CSNK1A1: variants seen among roughly 807,000 people sequenced by gnomAD.
The protein encoded by CSNK1A1 is casein kinase I isoform alpha.
CSNK1A1 carries 7 observed loss-of-function variants against 46.1 expected under a neutral mutation model. That is an observed-to-expected ratio of 0.15 (90% CI 0.09 to 0.29). The LOEUF is 0.29. Ranked by LOEUF, CSNK1A1 falls within the 10% of genes least tolerant of loss-of-function variation. The pLI is 1.00. For missense variants in CSNK1A1, 96 were observed against 417.1 expected (o/e 0.23, Z 6.71); for synonymous variants, 137 against 141.5 (o/e 0.97, Z 0.23).
At chr5:149,518,251 G>C (rs1489834610) in intron 4 of CSNK1A1, among the ~76,000 whole-genome samples, 1 of 152,104 alleles carries the variant, frequency 6.6e-6, no homozygotes. Context: ...AAAATCTTCA[G>C]TAAGGAAGAG....
Position 149,502,338 on chromosome 5 carries a change from C to T in CSNK1A1, c.1006+3109G>A, listed in dbSNP as rs919119477. On this transcript the variant is annotated intron_variant, in intron 9 of 9. Transcript: ENST00000377843. ...TCTGTGAAGAGTAATATAAAAAGCACCTTCTAAAAATTCCTTGTTGTGACA... is the reference window on the plus strand; with the variant it reads ...TCTGTGAAGAGTAATATAAAAAGCATCTTCTAAAAATTCCTTGTTGTGACA... The T allele has an allele frequency of 5.2e-6, 5 of 968,754 alleles. No homozygotes were observed. The African/African-American group carries it at 8.8e-5, about 17-fold the overall frequency. 60.0% of individuals were successfully genotyped at this position (968,754 alleles called of 1,614,324 possible).
intron 2 of CSNK1A1, among the ~76,000 whole-genome samples, chr5:149,531,069 T>A (rs969717468): frequency 2.6e-5 from 4 of 152,076 alleles, no homozygotes; most frequent in Admixed American, 6.6e-5. Context: ...TATTTGTATA[T>A]GCCATTCTTA....
intron 2 of CSNK1A1, among the ~76,000 whole-genome samples, chr5:149,527,560 TCA>T (rs748361330): frequency 4.6e-5 from 7 of 152,198 alleles, no homozygotes; most frequent in Non-Finnish European, 8.8e-5. Flanking sequence ...TGAAAGAAGC[TCA>T]CAGTGATGCT....
intron 2 of CSNK1A1, among the ~76,000 whole-genome samples, chr5:149,542,063 T>C (rs1762250315): frequency 6.8e-6 from 1 of 148,102 alleles, no homozygotes; most frequent in Admixed American, 6.7e-5. Context: ...GTATCCAGTA[T>C]AGAAGCGAAG....
chr5:149,519,727 C>A (rs531182608), intron 4 of CSNK1A1, among the ~76,000 whole-genome samples: 2 of 152,234 alleles, frequency 1.3e-5, no homozygotes, highest in East Asian at 3.9e-4. Flanking sequence ...ATTTGGCACC[C>A]AAGTAAAAAA....
At chr5:149,505,720 T>C (rs1760999856) in intron 8 of CSNK1A1, 125 bp from the exon 9 acceptor site, 1 of 736,914 alleles carries the variant, frequency 1.4e-6, no homozygotes, top group African/African-American at 1.8e-5. Context: ...GTGTGGCAGC[T>C]TCTAAAATAT....
intron 9 of CSNK1A1, chr5:149,504,665 C>T: frequency 1.0e-6 from 1 of 985,422 alleles, no homozygotes; most frequent in Non-Finnish European, 1.2e-6. Flanking sequence ...GTTTCAATGG[C>T]ATTTGCCCCA....
chr5:149,502,361 A>G (rs943037967), intron 9 of CSNK1A1: 1 of 955,976 alleles, frequency 1.0e-6, no homozygotes, highest in Non-Finnish European at 1.2e-6. Flanking sequence ...CCTTGTTGTG[A>G]CACAGGGTCT....
chr5:149,545,980 C>T (rs1253031164), intron 2 of CSNK1A1, among the ~76,000 whole-genome samples: 1 of 152,008 alleles, frequency 6.6e-6, no homozygotes, highest in African/African-American at 2.4e-5. Flanking sequence ...CCTCCGCCTC[C>T]CATGTTCAAG....
Position 149,550,432 on chromosome 5 carries a change from G to T in CSNK1A1, c.124-251C>A. 1 of 1,112,086 alleles carries T rather than the reference G, an allele frequency of 9.0e-7. No homozygotes were observed. The highest frequency in any genetic ancestry group is 1.2e-6 in the Non-Finnish European group (1 of 855,314). 68.9% of individuals were successfully genotyped at this position (1,112,086 alleles called of 1,614,324 possible). The stretch of plus-strand genomic sequence containing the variant: ...CATCCAGAAAAAAGAGGCAACCTCT[G>T]AACGTAGTGAGAGGTTTTTAAGGAA... On this transcript the variant is annotated intron_variant, in intron 1 of 9. Transcript: ENST00000377843. This position sits in a 1 kb window ranked among gnomAD's most constrained non-coding sequence, Gnocchi z 4.3.
chr5:149,521,742 G>A (rs1328120191), intron 3 of CSNK1A1, among the ~76,000 whole-genome samples: 3 of 151,616 alleles, frequency 2.0e-5, no homozygotes, highest in Admixed American at 1.3e-4. Context: ...TCAGCCTCCC[G>A]AGTAGTTGGG....
At chr5:149,502,533 G>GGGGGGGGGGGGGGGGGGGGGT (rs1760901966) in intron 9 of CSNK1A1, 1 of 131,490 alleles carries the variant, frequency 7.6e-6, no homozygotes, top group African/African-American at 4.7e-5. Context: ...GGGGGGGGGG[G>GGGGGGGGGGGGGGGGGGGGGT]TTGGGGACGA....
intron 9 of CSNK1A1, chr5:149,503,575 A>T: frequency 1.0e-6 from 1 of 984,712 alleles, no homozygotes; most frequent in Non-Finnish European, 1.2e-6. Flanking sequence ...TAAAATTTTT[A>T]AAAGATTTTA....
At chr5:149,497,660 T>C in intron 9 of CSNK1A1, 1 of 985,418 alleles carries the variant, frequency 1.0e-6, no homozygotes. Context: ...GAAAATCTCT[T>C]AAGCACCGTT....
In CSNK1A1 at chr5:149,545,719, T is replaced by C. The variant is rs1373641022; in HGVS notation, c.230+4356A>G. 11 of 669,962 alleles carry C rather than the reference T, an allele frequency of 1.6e-5. 1 individual carries two copies. The highest frequency in any genetic ancestry group is 1.4e-4 in the South Asian group (9 of 63,782). 41.5% of individuals were successfully genotyped at this position (669,962 alleles called of 1,614,324 possible). Reference sequence around the variant, plus strand: ...CTTGTGCTTCTTGGCAAAGTGCATGTTCCTCAGGAACCTGGAGCCCACCAT... The same window carrying C: ...CTTGTGCTTCTTGGCAAAGTGCATGCTCCTCAGGAACCTGGAGCCCACCAT... On this transcript the variant is annotated intron_variant, in intron 2 of 9. Coordinates refer to ENST00000377843, the MANE Select transcript of CSNK1A1 (RefSeq NM_001892.6).
At position 149,550,750 on chromosome 5, in the gene CSNK1A1, G is replaced by A; in HGVS notation, c.123+92C>T. 1.3e-6 allele frequency: 2 copies of A among 1,564,988 alleles called. No individual in the cohort carries two copies. Among genetic ancestry groups the A allele is most frequent in the South Asian group, 1.2e-5 (1 of 86,292 alleles). ...ACTCCCTGGCGAGTGCGTGCGATGAGGAGAGGCCCGAGCACTTTGGGGGTG... is the reference window on the plus strand; with the variant it reads ...ACTCCCTGGCGAGTGCGTGCGATGAAGAGAGGCCCGAGCACTTTGGGGGTG... On this transcript the variant is annotated intron_variant, in intron 1 of 9. Transcript: ENST00000377843. This position sits in a 1 kb window ranked among gnomAD's most constrained non-coding sequence, Gnocchi z 4.3.
intron 9 of CSNK1A1, chr5:149,503,676 A>T: frequency 1.0e-6 from 1 of 985,446 alleles, no homozygotes; most frequent in Non-Finnish European, 1.2e-6. Context: ...AAACTAACTC[A>T]GTGGATCCAA....
rs188932819 is a variant in CSNK1A1, at chr5:149,496,796, G to A, written c.*57C>T. The A allele has an allele frequency of 7.8e-6, 12 of 1,544,186 alleles. No homozygotes were observed. Among genetic ancestry groups the A allele is most frequent in the Admixed American group, 2.1e-5 (1 of 47,842 alleles). ...ATGAACTAAAATTTCTAGATTTGGGGAGAAACAAATGCTGCTCCGATCATC... is the reference window on the plus strand; with the variant it reads ...ATGAACTAAAATTTCTAGATTTGGGAAGAAACAAATGCTGCTCCGATCATC... On this transcript the variant is annotated 3_prime_UTR_variant, in exon 10 of 10. Transcript: ENST00000377843.
chr5:149,539,396 T>C (rs1762160667), intron 2 of CSNK1A1, among the ~76,000 whole-genome samples: 1 of 151,100 alleles, frequency 6.6e-6, no homozygotes, highest in East Asian at 1.9e-4. Flanking sequence ...AGCCCAGGAG[T>C]TCAAGGCTGC....
Sources: allele counts gnomAD v4.1 joint callset (sites outside exome capture counted in the v4.1 genomes callset), GRCh38; gene constraint gnomAD v4.1.1; non-coding constraint Gnocchi (gnomAD v3.1); transcripts MANE v1.5; gene names NCBI Gene and HGNC (gene_info 2026-07-23, HGNC 2026-07-21).